STK32B: variants seen among roughly 807,000 people sequenced by gnomAD.
STK32B encodes serine/threonine-protein kinase 32B.
STK32B carries 43 observed loss-of-function variants against 52.6 expected under a neutral mutation model. The ratio of observed to expected loss-of-function variants is 0.82; its 90% CI spans 0.64 to 1.05. STK32B has a LOEUF of 1.05. STK32B is among the 50% of genes least tolerant of loss of function. The pLI is 0.00. For missense variants in STK32B, 621 were observed against 534.6 expected (o/e 1.16, Z -1.59); for synonymous variants, 238 against 204.3 (o/e 1.17, Z -1.41).
chr4:5,300,481 G>A (rs1469877330), intron 3 of STK32B, among the ~76,000 whole-genome samples: 4 of 151,792 alleles, frequency 2.6e-5, no homozygotes, highest in African/African-American at 9.7e-5. Flanking sequence ...AGAAAAAGAG[G>A]AAGTCAAATT....
Position 5,162,492 on chromosome 4 carries a change from C to A in STK32B, c.109-5807C>A, listed in dbSNP as rs145338968. ...CCACCTTCTCCACTGACTCAGGATC[C>A]ATTCCCAAATTTCTGATGCTCAGTG... On this transcript the variant is annotated intron_variant, in intron 2 of 11. Coordinates refer to ENST00000282908, the MANE Select transcript of STK32B (RefSeq NM_018401.3). 8.1e-3 allele frequency among the ~76,000 whole-genome samples: 1,233 copies of A among 152,312 alleles called. 7 individuals carry two copies. Among genetic ancestry groups the A allele is most frequent in the Non-Finnish European group, 0.011 (781 of 68,030 alleles).
At chr4:5,064,499 A>C (rs1261363282) in intron 1 of STK32B, among the ~76,000 whole-genome samples, 1 of 67,704 alleles carries the variant, frequency 1.5e-5, no homozygotes, top group East Asian at 4.0e-4. Context: ...TTATATACAT[A>C]TATAATATAT....
chr4:5,163,980 T>C (rs1246925084), intron 2 of STK32B, among the ~76,000 whole-genome samples: 1 of 152,100 alleles, frequency 6.6e-6, no homozygotes, highest in Non-Finnish European at 1.5e-5. Flanking sequence ...CTCTGTCCCA[T>C]GGAGACCCGA....
intron 2 of STK32B, among the ~76,000 whole-genome samples, chr4:5,145,893 C>T (rs1716871701): frequency 6.6e-6 from 1 of 152,036 alleles, no homozygotes; most frequent in Admixed American, 6.5e-5. Flanking sequence ...TGTTTTATGC[C>T]ATTTGTATAA....
At chr4:5,178,107 G>A (rs185267111) in intron 3 of STK32B, among the ~76,000 whole-genome samples, 2 of 152,198 alleles carry the variant, frequency 1.3e-5, no homozygotes, top group East Asian at 3.9e-4. Context: ...CCTAGCAGAG[G>A]TTCTCCATAA....
Position 5,467,255 on chromosome 4 carries a change from CG to C in STK32B, c.1041+423del, listed in dbSNP as rs1450820650. ...AAAACAACCCACATTGATTCTCTCA[CG>C]GTTCTGGAGGCCAGAAATCCAAACT... On this transcript the variant is annotated intron_variant, in intron 10 of 11. Coordinates refer to ENST00000282908, the MANE Select transcript of STK32B (RefSeq NM_018401.3). This position sits in a 1 kb window ranked among gnomAD's most constrained non-coding sequence, Gnocchi z 5.8. Among the ~76,000 whole-genome samples, 1 of 152,178 alleles carries C rather than the reference CG, an allele frequency of 6.6e-6. No homozygotes were observed. Among genetic ancestry groups the C allele is most frequent in the African/African-American group, 2.4e-5 (1 of 41,448 alleles).
chr4:5,172,336 C>G (rs937439303), intron 3 of STK32B, among the ~76,000 whole-genome samples: 32 of 152,232 alleles, frequency 2.1e-4, no homozygotes, highest in African/African-American at 7.5e-4. Flanking sequence ...CCAGAACCTC[C>G]AACACTATGT....
intron 3 of STK32B, among the ~76,000 whole-genome samples, chr4:5,183,488 A>T (rs1020516879): frequency 6.6e-6 from 1 of 152,052 alleles, no homozygotes; most frequent in Non-Finnish European, 1.5e-5. Flanking sequence ...AAAAAAAAAA[A>T]AAAATTAAAT....
intron 2 of STK32B, among the ~76,000 whole-genome samples, chr4:5,159,733 A>G (rs1718270492): frequency 7.2e-6 from 1 of 138,602 alleles, no homozygotes; most frequent in Admixed American, 7.5e-5. Context: ...ATATGAATAT[A>G]TATATGAATA....
chr4:5,024,151 A>G, the STK32B span, among the ~76,000 whole-genome samples: 1 of 152,196 alleles, frequency 6.6e-6, no homozygotes, highest in Admixed American at 6.5e-5. Flanking sequence ...TGACTAGGCT[A>G]CCATCCTCAG....
intron 4 of STK32B, among the ~76,000 whole-genome samples, chr4:5,390,221 C>T (rs926489521): frequency 6.6e-6 from 1 of 152,198 alleles, no homozygotes; most frequent in Non-Finnish European, 1.5e-5. Context: ...GAGCACATGC[C>T]AAGTGCCTGG....
chr4:5,401,294 AC>A (rs1737277265), intron 5 of STK32B, among the ~76,000 whole-genome samples: 1 of 152,056 alleles, frequency 6.6e-6, no homozygotes, highest in Non-Finnish European at 1.5e-5. Context: ...GCATGACAAA[AC>A]CTTTTACAAA....
At chr4:5,430,989 T>G (rs1234056513) in intron 6 of STK32B, among the ~76,000 whole-genome samples, 2 of 152,220 alleles carry the variant, frequency 1.3e-5, no homozygotes, top group African/African-American at 2.4e-5. Flanking sequence ...GTAAATGTTT[T>G]CTGCTGCTTT....
At chr4:5,321,750 G>T (rs1190267384) in intron 3 of STK32B, among the ~76,000 whole-genome samples, 2 of 152,162 alleles carry the variant, frequency 1.3e-5, no homozygotes, top group African/African-American at 4.8e-5. Flanking sequence ...CCTCCAGTGG[G>T]ACGGGGGCAC....
chr4:5,175,455 C>T (rs940968654), intron 3 of STK32B, among the ~76,000 whole-genome samples: 17 of 152,042 alleles, frequency 1.1e-4, no homozygotes, highest in African/African-American at 2.7e-4. Context: ...TGGTCTTTGA[C>T]GATGGTGATG....
chr4:5,054,984 A>C (rs1741945293), intron 1 of STK32B, among the ~76,000 whole-genome samples: 1 of 152,214 alleles, frequency 6.6e-6, no homozygotes, highest in South Asian at 2.1e-4. Context: ...CAAGTGTTGC[A>C]TAAAATAATG....
intron 1 of STK32B, among the ~76,000 whole-genome samples, chr4:5,135,584 A>G (rs536533069): frequency 1.1e-4 from 16 of 152,304 alleles, no homozygotes; most frequent in South Asian, 1.0e-3. Flanking sequence ...TATTTTTCCT[A>G]ATATATTAAG....
rs943665729 is a variant in STK32B, at chr4:5,446,890, T to A, written c.666+114T>A. The A allele has an allele frequency of 4.2e-6, 4 of 955,378 alleles. 1 individual carries two copies. Among genetic ancestry groups the A allele is most frequent in the African/African-American group, 3.3e-5 (2 of 61,212 alleles). 59.2% of individuals were successfully genotyped at this position (955,378 alleles called of 1,614,324 possible). A position where few individuals can be genotyped will look rare whatever the true frequency, so the allele number is the denominator to read the frequency against. On this transcript the variant is annotated intron_variant, in intron 7 of 11. Coordinates refer to ENST00000282908, the MANE Select transcript of STK32B (RefSeq NM_018401.3). ...GGTGCAGGAAGGAGCACTGGGGGAG[T>A]CACTGCCCCCCAGGTTTCAGTCCTG...
chr4:5,343,013 A>G (rs1577372953), intron 4 of STK32B, among the ~76,000 whole-genome samples: 1 of 151,958 alleles, frequency 6.6e-6, no homozygotes, highest in South Asian at 2.1e-4. Flanking sequence ...GGTTTGTTAC[A>G]TATATATACA....
Sources: allele counts gnomAD v4.1 joint callset (sites outside exome capture counted in the v4.1 genomes callset), GRCh38; gene constraint gnomAD v4.1.1; non-coding constraint Gnocchi (gnomAD v3.1); transcripts MANE v1.5; gene names NCBI Gene and HGNC (gene_info 2026-07-23, HGNC 2026-07-21).